Variants in NXN observed in about 807,000 individuals in gnomAD.
NXN encodes the protein nucleoredoxin 1.
NXN carries 16 observed loss-of-function variants against 48.6 expected under a neutral mutation model. The observed-to-expected ratio is 0.33, with a 90% CI of 0.22 to 0.50. NXN has a LOEUF of 0.50. Among genes scored for constraint, NXN ranks in the 20% least tolerant of loss-of-function variants. The pLI, the probability that NXN is intolerant of heterozygous loss-of-function variation, is 0.98. For synonymous variants in NXN, 281 were observed against 269.6 expected (o/e 1.04, Z -0.41); for missense variants, 492 against 605.5 (o/e 0.81, Z 1.97).
chr17:937,474 T>C (rs1227318460), intron 1 of NXN, among the ~76,000 whole-genome samples: 1 of 151,986 alleles, frequency 6.6e-6, no homozygotes, highest in African/African-American at 2.4e-5. Flanking sequence ...AGGGGCAGCT[T>C]CAGGGAAAAC....
rs73291599 is a variant in NXN, at chr17:885,035, T to A, written c.361-58957A>T. Among the ~76,000 whole-genome samples the A allele has an allele frequency of 3.5e-3, 528 of 152,220 alleles. 9 individuals carry two copies. Among genetic ancestry groups the A allele is most frequent in the African/African-American group, 0.012 (513 of 41,522 alleles). On this transcript the variant is annotated intron_variant, in intron 1 of 7. Transcript: ENST00000336868. Reference sequence around the variant, plus strand: ...ATCCCCTTTAGGGGTAAGAGGGACATCTAAGACCAAGCGGAGCTGAGTCAG... The same window carrying A: ...ATCCCCTTTAGGGGTAAGAGGGACAACTAAGACCAAGCGGAGCTGAGTCAG...
intron 1 of NXN, among the ~76,000 whole-genome samples, chr17:950,117 C>A (rs911947835): frequency 2.0e-5 from 3 of 152,174 alleles, no homozygotes; most frequent in African/African-American, 7.2e-5. Context: ...AAATTCGGTG[C>A]CCTGTGAATA....
intron 1 of NXN, among the ~76,000 whole-genome samples, chr17:968,657 G>T (rs1207679445): frequency 6.6e-6 from 1 of 152,208 alleles, no homozygotes; most frequent in African/African-American, 2.4e-5. Context: ...ATGAAGAGAG[G>T]CCAGGCATGG....
intron 3 of NXN, among the ~76,000 whole-genome samples, chr17:823,063 G>A (rs1489548809): frequency 6.7e-6 from 1 of 150,364 alleles, no homozygotes; most frequent in Non-Finnish European, 1.5e-5. Context: ...TTGTGCCACT[G>A]CACTCCAGCC....
intron 1 of NXN, among the ~76,000 whole-genome samples, chr17:835,507 C>A (rs1913764223): frequency 6.6e-6 from 1 of 152,140 alleles, no homozygotes; most frequent in Non-Finnish European, 1.5e-5. Context: ...GTTCCCACTG[C>A]TCCGCCTGGC....
chr17:819,555 G>C lies in NXN; in HGVS notation c.714-10C>G. ...GAAGGACTCCTCCGACCTACAGAGA[G>C]ACACACGTGGCGGGCAAGGCTCAGT... On this transcript the variant is annotated splice_polypyrimidine_tract_variant and intron_variant, in intron 4 of 7. Coordinates refer to ENST00000336868, the MANE Select transcript of NXN (RefSeq NM_022463.5). 2.5e-6 allele frequency: 4 copies of C among 1,572,474 alleles called. No individual in the cohort carries two copies. Among genetic ancestry groups the C allele is most frequent in the Non-Finnish European group, 3.5e-6 (4 of 1,153,516 alleles).
At position 920,257 on chromosome 17, in the gene NXN, C is replaced by T. The variant is rs181411772; in HGVS notation, c.360+59062G>A. 5.3e-5 allele frequency among the ~76,000 whole-genome samples: 8 copies of T among 152,280 alleles called. No individual in the cohort carries two copies. Among genetic ancestry groups the T allele is most frequent in the Admixed American group, 2.6e-4 (4 of 15,296 alleles). Reference sequence around the variant, plus strand: ...AATGCTGCCTCCTGTCATCTCCCCCCGCCCCTGGCTCCCGCTTTGACCTGG... The same window carrying T: ...AATGCTGCCTCCTGTCATCTCCCCCTGCCCCTGGCTCCCGCTTTGACCTGG... On this transcript the variant is annotated intron_variant, in intron 1 of 7. Transcript: ENST00000336868. This position sits in a 1 kb window ranked among gnomAD's most constrained non-coding sequence, Gnocchi z 4.6.
In NXN at chr17:947,804, G is replaced by A. The variant is rs185573296; in HGVS notation, c.360+31515C>T. Among the ~76,000 whole-genome samples the A allele has an allele frequency of 3.1e-3, 459 of 149,190 alleles. 4 individuals carry two copies. The highest frequency in any genetic ancestry group is 0.01 in the African/African-American group (417 of 40,362). On this transcript the variant is annotated intron_variant, in intron 1 of 7. Coordinates refer to ENST00000336868, the MANE Select transcript of NXN (RefSeq NM_022463.5). ...TGTAATCCTAGCACTTTGGGAGGCC[G>A]AGGCGAGCTGACTGTCTTGAGCTCA...
intron 6 of NXN, 53 bp from the exon 7 acceptor site, chr17:803,859 C>CA: frequency 6.2e-7 from 1 of 1,605,948 alleles, no homozygotes; most frequent in Non-Finnish European, 8.5e-7. Context: ...ACTGGCTTGT[C>CA]AAACAGAGCG....
intron 1 of NXN, among the ~76,000 whole-genome samples, chr17:867,976 T>G (rs1205174561): frequency 1.3e-5 from 2 of 151,762 alleles, no homozygotes; most frequent in Non-Finnish European, 2.9e-5. Flanking sequence ...CCTGTGTGGT[T>G]GTTCTGCCTT....
chr17:816,449 A>G (rs1487060711), intron 5 of NXN, among the ~76,000 whole-genome samples: 1 of 151,984 alleles, frequency 6.6e-6, no homozygotes, highest in African/African-American at 2.4e-5. Flanking sequence ...GGGCCTCTGC[A>G]CGTGCGGTTC....
intron 1 of NXN, among the ~76,000 whole-genome samples, chr17:960,030 T>C (rs1044766515): frequency 3.3e-5 from 5 of 151,892 alleles, no homozygotes; most frequent in African/African-American, 4.8e-5. Flanking sequence ...GGGCAGAGGT[T>C]GCGGTCAGCC....
At chr17:970,559 G>C (rs969024733) in intron 1 of NXN, among the ~76,000 whole-genome samples, 10 of 152,194 alleles carry the variant, frequency 6.6e-5, no homozygotes, top group African/African-American at 2.4e-4. Context: ...AACTACCTCT[G>C]TCTTATCTCA....
chr17:895,884 A>C (rs11655053), intron 1 of NXN, among the ~76,000 whole-genome samples: 56,489 of 151,894 alleles, frequency 0.37, 11,676 homozygotes, highest in East Asian at 0.58. Flanking sequence ...GTATCTTCCA[A>C]GGTGAATCTT....
In NXN at chr17:861,650, G is replaced by A. The variant is rs914121889; in HGVS notation, c.361-35572C>T. ...CAGAAAAGCAAGCAAATGCTTACAC[G>A]ATGCTGGGAACATGTTAAAAGACTC... On this transcript the variant is annotated intron_variant, in intron 1 of 7. Coordinates refer to ENST00000336868, the MANE Select transcript of NXN (RefSeq NM_022463.5). 3.9e-5 allele frequency among the ~76,000 whole-genome samples: 6 copies of A among 152,236 alleles called. No homozygotes were observed. In the East Asian group the frequency reaches 1.2e-3, roughly 29 times the overall value.
intron 4 of NXN, among the ~76,000 whole-genome samples, chr17:819,852 T>C (rs959706770): frequency 6.6e-6 from 1 of 152,196 alleles, no homozygotes; most frequent in African/African-American, 2.4e-5. Context: ...CTTTCTTGCC[T>C]CAGAGCTCAG....
intron 1 of NXN, among the ~76,000 whole-genome samples, chr17:854,218 C>T (rs763479963): frequency 1.3e-5 from 2 of 152,272 alleles, no homozygotes; most frequent in South Asian, 2.1e-4. Context: ...CGCTTCCCAC[C>T]GTACTCGCTC....
intron 2 of NXN, among the ~76,000 whole-genome samples, chr17:824,961 G>A (rs1352560799): frequency 6.6e-6 from 1 of 152,166 alleles, no homozygotes; most frequent in African/African-American, 2.4e-5. Context: ...CAGGCTCTGC[G>A]GCTCAGCCCC....
chr17:814,447 T>C (rs372248360), intron 5 of NXN, among the ~76,000 whole-genome samples: 7 of 152,058 alleles, frequency 4.6e-5, no homozygotes, highest in East Asian at 1.9e-4. Flanking sequence ...GGAAAGAAAA[T>C]GCCTCTATGT....
Sources: allele counts gnomAD v4.1 joint callset (sites outside exome capture counted in the v4.1 genomes callset), GRCh38; gene constraint gnomAD v4.1.1; non-coding constraint Gnocchi (gnomAD v3.1); transcripts MANE v1.5; gene names NCBI Gene and HGNC (gene_info 2026-07-23, HGNC 2026-07-21).